Variants in HERC1 observed in about 807,000 individuals in gnomAD.
HERC1 encodes probable E3 ubiquitin-protein ligase HERC1.
Under a neutral mutation model 554.3 loss-of-function variants are expected in HERC1, and 160 were observed. The observed-to-expected ratio is 0.29, with a 90% CI of 0.25 to 0.33. HERC1 has a LOEUF of 0.33. HERC1 is among the 10% of genes least tolerant of loss of function. The pLI is 1.00. For missense variants in HERC1, 4,919 were observed against 5,918.5 expected (o/e 0.83, Z 5.54); for synonymous variants, 2,175 against 2,131.7 (o/e 1.02, Z -0.56).
intron 22 of HERC1, among the ~76,000 whole-genome samples, chr15:63,715,437 T>C (rs2073503783): frequency 6.6e-6 from 1 of 152,248 alleles, no homozygotes; most frequent in Non-Finnish European, 1.5e-5. Context: ...TAAAATACAA[T>C]TATTTTCCTT....
At chr15:63,676,169 C>T (rs2071194780) in intron 37 of HERC1, among the ~76,000 whole-genome samples, 1 of 152,170 alleles carries the variant, frequency 6.6e-6, no homozygotes. Flanking sequence ...CCCAAACTGC[C>T]GGGATTACAA....
Position 63,680,741 on chromosome 15 carries a change from G to A in HERC1, c.6261C>T (p.Gly2087=). 12 of 1,612,108 alleles carry A rather than the reference G, an allele frequency of 7.4e-6. No homozygotes were observed. Among genetic ancestry groups the A allele is most frequent in the Non-Finnish European group, 1.0e-5 (12 of 1,178,244 alleles). The stretch of plus-strand genomic sequence containing the variant: ...GCCAGCGAGAAACTCCAACACACGT[G>A]CCTTCATTACCTCTGTTTTCCTTCA... ...YIVKENRGNE[G]TCVGVSRWPV... The change falls in exon 35 of 78, where the codon GGC becomes GGT. Residue 2087 remains glycine, a synonymous_variant. Coordinates refer to ENST00000443617, the MANE Select transcript of HERC1 (RefSeq NM_003922.4). The surrounding 1 kb of genome is among the most constrained non-coding windows in gnomAD (Gnocchi z 5.8).
chr15:63,826,324 C>T lies in HERC1; in HGVS notation c.-27+7503G>A, dbSNP rs77812916. On this transcript the variant is annotated intron_variant, in intron 1 of 77. Transcript: ENST00000443617. ...TAAACTCGCGGTTTAATTTTCATTA[C>T]GACTGCCCTTCTTCCTTATGGAACT... Among the ~76,000 whole-genome samples the T allele has an allele frequency of 6.1e-3, 928 of 152,204 alleles. 12 individuals carry two copies. The highest frequency in any genetic ancestry group is 0.021 in the African/African-American group (889 of 41,524).
chr15:63,786,924 T>TC (rs2076469983), intron 1 of HERC1, among the ~76,000 whole-genome samples: 2 of 150,330 alleles, frequency 1.3e-5, no homozygotes, highest in South Asian at 4.2e-4. Context: ...ATTATTATTT[T>TC]TTTTTTTTTT....
At chr15:63,766,214 A>C (rs2075772166) in intron 2 of HERC1, among the ~76,000 whole-genome samples, 2 of 151,170 alleles carry the variant, frequency 1.3e-5, no homozygotes, top group Middle Eastern at 3.5e-3. Flanking sequence ...AACTTCATCA[A>C]TATTAATCCG....
chr15:63,729,581 G>A lies in HERC1; in HGVS notation c.2937C>T (p.Asn979=), dbSNP rs2074190293. The change falls in exon 15 of 78, where the codon AAC becomes AAT. Residue 979 remains asparagine (N), a synonymous_variant. Coordinates refer to ENST00000443617, the MANE Select transcript of HERC1 (RefSeq NM_003922.4). The stretch of plus-strand genomic sequence containing the variant: ...GTTCATGAAGATGAGCAGGCTGACT[G>A]TTTTCTGATGATGATGTTCCAAGTA... ...KFLLGTSSSE[N]SQPAHLHELL... is the part of the protein sequence containing the mutation. 6 of 1,613,628 alleles carry A rather than the reference G, an allele frequency of 3.7e-6. No homozygotes were observed. The highest frequency in any genetic ancestry group is 5.1e-6 in the Non-Finnish European group (6 of 1,179,596).
In HERC1 at chr15:63,775,650, C is replaced by T; in HGVS notation, c.-26-1G>A. On this transcript the variant is annotated splice_acceptor_variant, in intron 1 of 77. Transcript: ENST00000443617. LOFTEE classifies it low-confidence loss of function (5UTR_SPLICE). The surrounding 1 kb of genome is among the most constrained non-coding windows in gnomAD (Gnocchi z 4.0). ...TTGATTTATCCTTCAGCCATTAGTCCTGCAAAGGGAGAAGAGAAAACAGTC... is the reference window on the plus strand; with the variant it reads ...TTGATTTATCCTTCAGCCATTAGTCTTGCAAAGGGAGAAGAGAAAACAGTC... The T allele has an allele frequency of 6.6e-7, 1 of 1,524,482 alleles. No homozygotes were observed. Among genetic ancestry groups the T allele is most frequent in the Non-Finnish European group, 8.9e-7 (1 of 1,129,722 alleles). 94.4% of individuals were successfully genotyped at this position (1,524,482 alleles called of 1,614,324 possible). A position where few individuals can be genotyped will look rare whatever the true frequency, so the allele number is the denominator to read the frequency against.
chr15:63,670,713 T>C (rs1187538018), intron 39 of HERC1, among the ~76,000 whole-genome samples: 1 of 152,138 alleles, frequency 6.6e-6, no homozygotes, highest in East Asian at 1.9e-4. Flanking sequence ...TGATCTTGTG[T>C]GGACGCCTTG....
In HERC1 at chr15:63,663,748, C is replaced by G. The variant is rs1447168633; in HGVS notation, c.8681-544G>C. On this transcript the variant is annotated intron_variant, in intron 43 of 77. Coordinates refer to ENST00000443617, the MANE Select transcript of HERC1 (RefSeq NM_003922.4). ...GTGCTGGGATTATAGGCATGAGCCACTGATATAATGTTAATCATATAGAAA... is the reference window on the plus strand; with the variant it reads ...GTGCTGGGATTATAGGCATGAGCCAGTGATATAATGTTAATCATATAGAAA... 3.3e-5 allele frequency among the ~76,000 whole-genome samples: 5 copies of G among 152,138 alleles called. 1 individual carries two copies. Among genetic ancestry groups the G allele is most frequent in the Admixed American group, 2.6e-4 (4 of 15,264 alleles).
At chr15:63,782,343 C>G (rs2076312206) in intron 1 of HERC1, among the ~76,000 whole-genome samples, 1 of 152,176 alleles carries the variant, frequency 6.6e-6, no homozygotes. Flanking sequence ...TCTGAAAAAC[C>G]TAGGGCACCT....
intron 1 of HERC1, among the ~76,000 whole-genome samples, chr15:63,806,750 T>A (rs114059611): frequency 6.6e-6 from 1 of 152,200 alleles, no homozygotes; most frequent in Non-Finnish European, 1.5e-5. Context: ...TTGTTGTAAG[T>A]TGGAACTCTG....
At chr15:63,739,578 C>T (rs958310659) in intron 12 of HERC1, among the ~76,000 whole-genome samples, 8 of 151,950 alleles carry the variant, frequency 5.3e-5, no homozygotes, top group African/African-American at 1.9e-4. Context: ...GTGGCTCATG[C>T]CTCTAATCCC....
At chr15:63,828,800 T>C (rs2078027997) in intron 1 of HERC1, among the ~76,000 whole-genome samples, 2 of 152,134 alleles carry the variant, frequency 1.3e-5, no homozygotes, top group Non-Finnish European at 2.9e-5. Context: ...TAGGGATGAA[T>C]AAGATTAAAC....
chr15:63,700,572 C>T (rs2072660886), intron 25 of HERC1, among the ~76,000 whole-genome samples: 1 of 151,648 alleles, frequency 6.6e-6, no homozygotes, highest in African/African-American at 2.4e-5. Context: ...TATATGTATC[C>T]TAGTAAAATA....
At chr15:63,726,153 T>C (rs2074031425) in intron 17 of HERC1, among the ~76,000 whole-genome samples, 1 of 152,144 alleles carries the variant, frequency 6.6e-6, no homozygotes, top group African/African-American at 2.4e-5. Flanking sequence ...GGCTAATTTT[T>C]GTATTTTTAG....
chr15:63,821,954 G>A (rs2077714536), intron 1 of HERC1, among the ~76,000 whole-genome samples: 1 of 152,002 alleles, frequency 6.6e-6, no homozygotes. Context: ...AAGCATAAGT[G>A]CCATAAAAAA....
chr15:63,685,460 C>G (rs1017969415), intron 34 of HERC1, among the ~76,000 whole-genome samples: 1 of 152,248 alleles, frequency 6.6e-6, no homozygotes, highest in African/African-American at 2.4e-5. Flanking sequence ...TGCACCTTAT[C>G]ATAATACCTC....
intron 12 of HERC1, among the ~76,000 whole-genome samples, chr15:63,742,684 T>A (rs60572942): frequency 0.032 from 4,934 of 152,254 alleles, 265 homozygotes; most frequent in African/African-American, 0.11. Context: ...TGAAAGAATG[T>A]TGAATTTTGT....
intron 25 of HERC1, among the ~76,000 whole-genome samples, 156 bp downstream of exon 25, chr15:63,706,624 G>T (rs1423773318): frequency 2.6e-5 from 4 of 151,848 alleles, no homozygotes; most frequent in Non-Finnish European, 5.9e-5. Flanking sequence ...CTGATAAAAT[G>T]ATTCTGAAAT....
Sources: allele counts gnomAD v4.1 joint callset (sites outside exome capture counted in the v4.1 genomes callset), GRCh38; gene constraint gnomAD v4.1.1; non-coding constraint Gnocchi (gnomAD v3.1); transcripts MANE v1.5; gene names NCBI Gene and HGNC (gene_info 2026-07-23, HGNC 2026-07-21).